Variants in TMEM255A observed in about 807,000 individuals in gnomAD.
TMEM255A encodes family with sequence similarity 70, member A.
Under a neutral mutation model 23.5 loss-of-function variants are expected in TMEM255A, and 14 were observed. The observed-to-expected ratio is 0.60, with a 90% confidence interval of 0.39 to 0.93. The LOEUF is 0.93. Ranked by LOEUF, TMEM255A falls within the 40% of genes least tolerant of loss-of-function variation. The probability of loss-of-function intolerance (pLI) is 0.00; values close to 1 mark genes in which losing one functional copy is unlikely to be tolerated. For synonymous variants in TMEM255A, 104 were observed against 100.3 expected (o/e 1.04, Z -0.22); for missense variants, 233 against 261.7 (o/e 0.89, Z 0.76).
chrX:120,287,159 C>A lies in TMEM255A; in HGVS notation c.418G>T (p.Glu140Ter), dbSNP rs1556021968. The A allele has an allele frequency of 2.5e-6, 3 of 1,210,092 alleles. No homozygotes were observed. In the South Asian group the frequency reaches 5.3e-5, roughly 21 times the overall value. ...GCAGCCTCATTCTGGCTCACCTCCT[C>A]AGCTTCCTTCTGTGATGTCTTGGGA... ...YVPKTSQKEA[E>*]EVNCPHLSRE... Residue 140 changes from glutamate to a stop codon, truncating the protein, a stop_gained, in exon 5 of 9, where the codon GAG becomes TAG. Coordinates refer to ENST00000371369, the MANE Select transcript of TMEM255A (RefSeq NM_001104544.3). LOFTEE classifies it high-confidence loss of function.
chrX:120,284,529 C>T (rs375184334), intron 6 of TMEM255A, among the ~76,000 whole-genome samples: 26 of 104,158 alleles, frequency 2.5e-4, no homozygotes, highest in Admixed American at 1.1e-3. Context: ...TGCATGTGCA[C>T]GTGCACGCAC....
chrX:120,300,262 T>G (rs1249460333), intron 2 of TMEM255A, among the ~76,000 whole-genome samples: 2 of 112,103 alleles, frequency 1.8e-5, no homozygotes, highest in African/African-American at 6.5e-5. Context: ...CTTGGGTTTT[T>G]AGGCCTTCAG....
rs374668992 is a variant in TMEM255A at position 120,276,971 on chromosome X, G to A, written c.589C>T (p.Leu197=). 8 of 1,210,487 alleles carry A rather than the reference G, an allele frequency of 6.6e-6. No individual in the cohort carries two copies. Among genetic ancestry groups the A allele is most frequent in the Non-Finnish European group, 8.9e-6 (8 of 894,392 alleles). The change falls in exon 7 of 9, where the codon CTG becomes TTG. Residue 197 remains leucine, a synonymous_variant. Transcript: ENST00000371369. ...TTGAGGATGGTGGCAGACCAGAGCA[G>A]GTGGTAGAGGTGGATGATATCTTGG... ...SCQDIIHLYH[L]LWSATILNIV...
downstream of TMEM255A, chrX:120,254,585 A>G: frequency 8.3e-7 from 1 of 1,211,477 alleles, no homozygotes; most frequent in Middle Eastern, 2.3e-4. Context: ...ATTCCTTAAA[A>G]ATTTCAGATA....
In TMEM255A at chrX:120,285,661, C is replaced by A. The variant is rs782039116; in HGVS notation, c.424-446G>T. On this transcript the variant is annotated intron_variant, in intron 5 of 8. Coordinates refer to ENST00000371369, the MANE Select transcript of TMEM255A (RefSeq NM_001104544.3). ...CCTGGGTAAGGTTCCTCATAACCCTCGTGGAAGGAGAATTTTTGGTTGAGG... is the reference window on the plus strand; with the variant it reads ...CCTGGGTAAGGTTCCTCATAACCCTAGTGGAAGGAGAATTTTTGGTTGAGG... 1.7e-6 allele frequency: 2 copies of A among 1,210,833 alleles called. No individual in the cohort carries two copies. The highest frequency in any genetic ancestry group is 1.1e-6 in the Non-Finnish European group (1 of 895,340).
rs978177789 is a variant in TMEM255A, at chrX:120,258,959, A to T, written c.*1911T>A. ...GCACTTTGTATAATTCAATGTAATA[A>T]AAAAGCTGCTCAAATTAAGTGTTAC... On this transcript the variant is annotated 3_prime_UTR_variant, in exon 9 of 9. Coordinates refer to ENST00000371369, the MANE Select transcript of TMEM255A (RefSeq NM_001104544.3). 1.8e-5 allele frequency: 2 copies of T among 112,558 alleles called. No homozygotes were observed. Among genetic ancestry groups the T allele is most frequent in the African/African-American group, 6.5e-5 (2 of 30,947 alleles). The allele number at this position is 112,558 out of a possible 1,213,427, so 9.3% of individuals were successfully genotyped here.
chrX:120,298,367 C>G (rs2058011524), intron 2 of TMEM255A, among the ~76,000 whole-genome samples: 2 of 111,657 alleles, frequency 1.8e-5, no homozygotes, highest in South Asian at 7.5e-4. Flanking sequence ...ATTAGGTAAA[C>G]CAGTCCACAA....
chrX:120,253,633 T>C, the TMEM255A span: 1 of 1,212,231 alleles, frequency 8.2e-7, no homozygotes. Context: ...CTGAGCTTTA[T>C]AAGAGCAGAG....
At chrX:120,269,879 A>G (rs2057744355) in intron 7 of TMEM255A, among the ~76,000 whole-genome samples, 1 of 112,292 alleles carries the variant, frequency 8.9e-6, no homozygotes, top group Non-Finnish European at 1.9e-5. Context: ...AGCTCTCGCA[A>G]AATGAAACCA....
chrX:120,288,778 G>A (rs1334391367), intron 4 of TMEM255A, among the ~76,000 whole-genome samples: 5 of 112,510 alleles, frequency 4.4e-5, no homozygotes, highest in Non-Finnish European at 7.5e-5. Context: ...GGCCCTCTTA[G>A]GGCATATCCA....
At chrX:120,288,113 C>T (rs1259036780) in intron 4 of TMEM255A, among the ~76,000 whole-genome samples, 1 of 111,888 alleles carries the variant, frequency 8.9e-6, no homozygotes, top group African/African-American at 3.2e-5. Context: ...GGCAGAAGTA[C>T]CCAGGCAGAG....
At chrX:120,273,289 C>A (rs1029227893) in intron 7 of TMEM255A, 1 of 277,481 alleles carries the variant, frequency 3.6e-6, no homozygotes, top group Non-Finnish European at 7.0e-6. Flanking sequence ...AAGTTGTTTG[C>A]AATGACATCA....
At chrX:120,306,309 G>A (rs1556027064) in intron 1 of TMEM255A, among the ~76,000 whole-genome samples, 1 of 111,574 alleles carries the variant, frequency 9.0e-6, no homozygotes, top group Non-Finnish European at 1.9e-5. Context: ...AGGGTTGGGG[G>A]AAGGCCAGGA....
intron 2 of TMEM255A, among the ~76,000 whole-genome samples, chrX:120,296,855 A>G (rs868933241): frequency 3.3e-4 from 2 of 6,045 alleles, no homozygotes; most frequent in Non-Finnish European, 4.2e-4. Context: ...TATCATATAT[A>G]ATATATAATA....
chrX:120,254,564 A>G (rs2057624293), downstream of TMEM255A: 1 of 1,211,438 alleles, frequency 8.3e-7, no homozygotes, highest in Non-Finnish European at 1.1e-6. Context: ...TTCTTCAAGA[A>G]CCACTTTCCA....
intron 6 of TMEM255A, among the ~76,000 whole-genome samples, chrX:120,284,428 C>T (rs187380983): frequency 9.1e-5 from 10 of 110,298 alleles, no homozygotes; most frequent in Middle Eastern, 4.6e-3. Context: ...ACCTGGGTTG[C>T]CCACCCACCC....
intron 6 of TMEM255A, among the ~76,000 whole-genome samples, chrX:120,282,356 G>GA (rs2057843131): frequency 9.0e-6 from 1 of 111,703 alleles, no homozygotes; most frequent in Non-Finnish European, 1.9e-5. Context: ...ACAGACTTGG[G>GA]AAAGGGCTTT....
intron 4 of TMEM255A, 65 bp from the exon 5 acceptor site, chrX:120,287,287 C>T (rs1272935762): frequency 2.7e-6 from 2 of 734,598 alleles, no homozygotes; most frequent in African/African-American, 5.6e-5. Flanking sequence ...AAGTGTTGTA[C>T]TTGGTAATAA....
intron 1 of TMEM255A, among the ~76,000 whole-genome samples, chrX:120,307,942 G>A (rs958983760): frequency 1.8e-5 from 2 of 111,393 alleles, no homozygotes; most frequent in Non-Finnish European, 3.8e-5. Context: ...AGCTCTAGAA[G>A]CACCCAATTA....
Sources: allele counts gnomAD v4.1 joint callset (sites outside exome capture counted in the v4.1 genomes callset), GRCh38; gene constraint gnomAD v4.1.1; transcripts MANE v1.5; gene names NCBI Gene and HGNC (gene_info 2026-07-23, HGNC 2026-07-21).